Variants in SRL observed in about 807,000 individuals in gnomAD.
The protein encoded by SRL is sarcalumenin.
In SRL, 23 loss-of-function variants were observed where a neutral mutation model predicts 39.5. The ratio of observed to expected loss-of-function variants is 0.58; its 90% CI spans 0.42 to 0.82. SRL has a LOEUF of 0.82. SRL is among the 40% of genes least tolerant of loss of function. The pLI, the probability that SRL is intolerant of heterozygous loss-of-function variation, is 0.00. For synonymous variants in SRL, 272 were observed against 237.4 expected, an observed-to-expected ratio of 1.15 and a Z score of -1.34; for missense variants, 592 against 607.8, an observed-to-expected ratio of 0.97 and a Z score of 0.27.
chr16:4,202,306 G>C (rs866308433), intron 3 of SRL, among the ~76,000 whole-genome samples: 5 of 152,136 alleles, frequency 3.3e-5, no homozygotes, highest in African/African-American at 1.2e-4. Flanking sequence ...AAAGAAGTTG[G>C]AGGTCGGCTG....
chr16:4,213,349 C>T (rs2052415904), intron 1 of SRL, among the ~76,000 whole-genome samples: 1 of 148,764 alleles, frequency 6.7e-6, no homozygotes. Flanking sequence ...CCATTATTTT[C>T]TCCAACGTCC....
At chr16:4,232,571 C>A (rs1204210085) in intron 1 of SRL, among the ~76,000 whole-genome samples, 1 of 151,860 alleles carries the variant, frequency 6.6e-6, no homozygotes, top group Non-Finnish European at 1.5e-5. Flanking sequence ...AGTGCACTGG[C>A]ACAATTACAG....
At chr16:4,234,229 A>C (rs985507147) in intron 1 of SRL, among the ~76,000 whole-genome samples, 1 of 152,172 alleles carries the variant, frequency 6.6e-6, no homozygotes, top group African/African-American at 2.4e-5. Context: ...CCTGGGCTCA[A>C]GCAATCCTGC....
intron 1 of SRL, among the ~76,000 whole-genome samples, chr16:4,219,265 C>G (rs2052494395): frequency 6.6e-6 from 1 of 152,218 alleles, no homozygotes; most frequent in Admixed American, 6.5e-5. Flanking sequence ...CCATAGGGGG[C>G]CCAGACAAAT....
chr16:4,240,267 G>A (rs1330544925), intron 1 of SRL, among the ~76,000 whole-genome samples: 1 of 152,168 alleles, frequency 6.6e-6, no homozygotes, highest in African/African-American at 2.4e-5. Context: ...ACCTTTGGGT[G>A]GGGTGGTATT....
chr16:4,233,124 G>C (rs2052677046), intron 1 of SRL, among the ~76,000 whole-genome samples: 1 of 152,198 alleles, frequency 6.6e-6, no homozygotes, highest in Non-Finnish European at 1.5e-5. Flanking sequence ...GTCTTCAGAG[G>C]GCTGAGAGAA....
At chr16:4,214,809 C>T (rs529264975) in intron 1 of SRL, among the ~76,000 whole-genome samples, 7 of 151,866 alleles carry the variant, frequency 4.6e-5, no homozygotes, top group African/African-American at 1.7e-4. Context: ...ATTCTGTCGC[C>T]CAGGGTGGAG....
Position 4,195,791 on chromosome 16 carries a change from G to A in SRL, c.377-5C>T, listed in dbSNP as rs1231705781. ...CAGAGGTGGTGGGTTCAGCGCCTGG[G>A]CACACGGGGTGAGAGGTGAAGGAAT... On this transcript the variant is annotated splice_polypyrimidine_tract_variant and splice_region_variant and intron_variant, in intron 4 of 5. Transcript: ENST00000399609. 6.2e-7 allele frequency: 1 copy of A among 1,611,020 alleles called. No homozygotes were observed. Among genetic ancestry groups the A allele is most frequent in the Admixed American group, 1.7e-5 (1 of 59,662 alleles).
intron 1 of SRL, among the ~76,000 whole-genome samples, chr16:4,217,252 C>A (rs2052471041): frequency 6.6e-6 from 1 of 152,100 alleles, no homozygotes; most frequent in African/African-American, 2.4e-5. Context: ...CTGCCCCTTA[C>A]TCTTTTTCTT....
chr16:4,197,769 T>C, intron 4 of SRL, 30 bp downstream of exon 4: 2 of 1,456,108 alleles, frequency 1.4e-6, no homozygotes, highest in Non-Finnish European at 1.9e-6. Context: ...AACATTCAAA[T>C]CCCAACAATC....
intron 3 of SRL, among the ~76,000 whole-genome samples, chr16:4,199,518 G>A (rs1168100753): frequency 1.3e-5 from 2 of 151,178 alleles, no homozygotes; most frequent in African/African-American, 4.9e-5. Context: ...CCACAGGCAT[G>A]TACCACCAAG....
chr16:4,220,032 G>A (rs538407696), intron 1 of SRL, among the ~76,000 whole-genome samples: 11 of 152,142 alleles, frequency 7.2e-5, no homozygotes, highest in South Asian at 2.1e-4. Context: ...CCACCTTGCC[G>A]CTCCGTGAAC....
At chr16:4,220,278 A>AACACACACACACACACAC (rs71394664) in intron 1 of SRL, among the ~76,000 whole-genome samples, 3,598 of 140,658 alleles carry the variant, frequency 0.026, 95 homozygotes, top group African/African-American at 0.047. Context: ...TCTCTACTAA[A>AACACACACACACACACAC]ACACACACAC....
chr16:4,190,138 G>A lies in SRL; in HGVS notation c.*2015C>T. 2.5e-6 allele frequency: 1 copy of A among 397,526 alleles called. No individual in the cohort carries two copies. The allele number at this position is 397,526 out of a possible 1,614,324, so 24.6% of individuals were successfully genotyped here. ...GGAACCTCGGGTGTTCTTGTGGAAG[G>A]GTCCAGGCCCTCCACAAAGCCAAAC... On this transcript the variant is annotated 3_prime_UTR_variant, in exon 6 of 6. Coordinates refer to ENST00000399609, the MANE Select transcript of SRL (RefSeq NM_001098814.2).
chr16:4,229,341 G>C (rs937986060), intron 1 of SRL, among the ~76,000 whole-genome samples: 5 of 152,124 alleles, frequency 3.3e-5, no homozygotes, highest in African/African-American at 1.2e-4. Context: ...CTACTTGGGA[G>C]GCTGAGGCAG....
intron 4 of SRL, 111 bp from the exon 5 acceptor site, chr16:4,195,897 GAT>G (rs768704033): frequency 3.1e-4 from 265 of 863,918 alleles, no homozygotes; most frequent in Non-Finnish European, 4.3e-4. Flanking sequence ...AACAGAATTG[GAT>G]ATGTTTGCCA....
chr16:4,215,381 G>C (rs2052446421), intron 1 of SRL, among the ~76,000 whole-genome samples: 1 of 152,210 alleles, frequency 6.6e-6, no homozygotes, highest in South Asian at 2.1e-4. Context: ...CAGGGAATCA[G>C]ATACAATGAC....
chr16:4,220,098 T>G (rs578008217), intron 1 of SRL, among the ~76,000 whole-genome samples: 1 of 152,070 alleles, frequency 6.6e-6, no homozygotes, highest in African/African-American at 2.4e-5. Context: ...GAATTTTCAC[T>G]CCAGAGTACA....
chr16:4,208,031 G>A (rs761330342), intron 1 of SRL: 26 of 456,274 alleles, frequency 5.7e-5, no homozygotes, highest in South Asian at 2.6e-4. Context: ...CTAGACTTGC[G>A]TCTCCAGCAG....
Sources: gnomAD v4.1 joint callset for allele counts (sites outside exome capture counted in the v4.1 genomes callset) on GRCh38, gnomAD v4.1.1 for gene constraint, MANE v1.5 for transcripts, NCBI Gene and HGNC (gene_info 2026-07-23, HGNC 2026-07-21) for gene names.